Variants in FHIT observed in about 807,000 individuals in gnomAD.
The protein encoded by FHIT is fragile histidine triad diadenosine triphosphatase, also known as bis(5'-adenosyl)-triphosphatase.
A neutral mutation model predicts 17.9 loss-of-function variants in FHIT; 19 were observed. That is an observed-to-expected ratio of 1.06 (90% CI 0.74 to 1.56). The LOEUF is 1.56. Ranked by LOEUF, FHIT falls within the 40% of genes most tolerant of loss-of-function variation. The pLI, the probability that FHIT is intolerant of heterozygous loss-of-function variation, is 0.00. For synonymous variants in FHIT, 81 were observed against 69.7 expected (o/e 1.16, Z -0.81); for missense variants, 248 against 189.2 (o/e 1.31, Z -1.82).
chr3:61,019,856 A>G (rs890364787), intron 3 of FHIT, among the ~76,000 whole-genome samples: 16 of 152,166 alleles, frequency 1.1e-4, no homozygotes, highest in Admixed American at 8.5e-4. Context: ...TCATTTATTC[A>G]TATGATTTTC....
intron 7 of FHIT, among the ~76,000 whole-genome samples, chr3:59,984,400 G>T (rs1474702966): frequency 7.0e-6 from 1 of 143,484 alleles, no homozygotes; most frequent in African/African-American, 2.7e-5. Flanking sequence ...CCACTGGGGG[G>T]GGCTCTGGAA....
intron 4 of FHIT, among the ~76,000 whole-genome samples, chr3:60,538,851 T>C (rs1346350398): frequency 6.6e-6 from 1 of 152,052 alleles, no homozygotes; most frequent in Non-Finnish European, 1.5e-5. Flanking sequence ...GAAGAAAACC[T>C]AGGCAATACC....
chr3:60,058,009 A>T (rs964124922), intron 5 of FHIT, among the ~76,000 whole-genome samples: 1 of 151,776 alleles, frequency 6.6e-6, no homozygotes, highest in African/African-American at 2.4e-5. Flanking sequence ...CACTTCTGTG[A>T]GGTACCTAGA....
intron 3 of FHIT, among the ~76,000 whole-genome samples, chr3:60,977,879 A>G (rs984982626): frequency 6.6e-6 from 1 of 152,190 alleles, no homozygotes; most frequent in African/African-American, 2.4e-5. Flanking sequence ...CTCAAAAACA[A>G]AAACAAAAAG....
At chr3:61,171,239 G>A (rs750993306) in intron 2 of FHIT, among the ~76,000 whole-genome samples, 7 of 152,108 alleles carry the variant, frequency 4.6e-5, no homozygotes, top group Admixed American at 1.3e-4. Flanking sequence ...ATTTTTGGCC[G>A]CATGTATGTC....
intron 3 of FHIT, among the ~76,000 whole-genome samples, chr3:61,035,768 T>C (rs1490303555): frequency 6.6e-6 from 1 of 152,152 alleles, no homozygotes; most frequent in Non-Finnish European, 1.5e-5. Flanking sequence ...CAGATAGTGA[T>C]GATGTGACAT....
At chr3:61,150,807 A>T (rs2037365442) in intron 2 of FHIT, among the ~76,000 whole-genome samples, 1 of 152,056 alleles carries the variant, frequency 6.6e-6, no homozygotes, top group African/African-American at 2.4e-5. Context: ...CAGTCTACCA[A>T]TATAACACAA....
intron 5 of FHIT, among the ~76,000 whole-genome samples, chr3:60,206,720 G>C (rs1703208777): frequency 6.6e-6 from 1 of 152,150 alleles, no homozygotes; most frequent in African/African-American, 2.4e-5. Context: ...TGCCAACTCG[G>C]TAAGCATTTC....
chr3:60,764,607 G>T (rs1334982632), intron 4 of FHIT, among the ~76,000 whole-genome samples: 1 of 151,834 alleles, frequency 6.6e-6, no homozygotes, highest in Non-Finnish European at 1.5e-5. Context: ...TAAGTCTCAG[G>T]GTATTAAGTC....
chr3:59,860,619 A>G (rs1702364338), intron 8 of FHIT, among the ~76,000 whole-genome samples: 1 of 152,230 alleles, frequency 6.6e-6, no homozygotes, highest in South Asian at 2.1e-4. Context: ...TATGAGACTG[A>G]CTGGAGAACA....
intron 5 of FHIT, among the ~76,000 whole-genome samples, chr3:60,363,140 G>C (rs373380330): frequency 6.6e-6 from 1 of 152,084 alleles, no homozygotes; most frequent in African/African-American, 2.4e-5. Context: ...AATAAAAAGA[G>C]GTGCAGAAAA....
intron 4 of FHIT, among the ~76,000 whole-genome samples, chr3:60,726,879 G>A (rs1266558599): frequency 6.6e-6 from 1 of 152,126 alleles, no homozygotes; most frequent in African/African-American, 2.4e-5. Context: ...GTCTCTATAT[G>A]GTTTCAGAAT....
In FHIT at chr3:60,892,216, C is replaced by A. The variant is rs143027995; in HGVS notation, c.-110-70205G>T. 5.1e-3 allele frequency among the ~76,000 whole-genome samples: 782 copies of A among 152,272 alleles called. 7 individuals carry two copies. The highest frequency in any genetic ancestry group is 6.7e-3 in the Non-Finnish European group (455 of 68,012). On this transcript the variant is annotated intron_variant, in intron 3 of 9. Coordinates refer to ENST00000492590, the MANE Select transcript of FHIT (RefSeq NM_002012.4). ...GTTTTTTCTTTTGGTGTTAACATAT[C>A]CTCTTTTTGAAATAATAGCAATAGT...
At chr3:60,895,922 G>A (rs1261008347) in intron 3 of FHIT, among the ~76,000 whole-genome samples, 1 of 151,494 alleles carries the variant, frequency 6.6e-6, no homozygotes, top group Non-Finnish European at 1.5e-5. Context: ...GCTCTAAGCA[G>A]GGGTCCCCAT....
At chr3:61,057,711 T>C (rs1172540529) in intron 2 of FHIT, among the ~76,000 whole-genome samples, 2 of 152,162 alleles carry the variant, frequency 1.3e-5, no homozygotes, top group African/African-American at 2.4e-5. Flanking sequence ...GAAGCTATAA[T>C]GAAAGGTTCA....
At chr3:60,881,397 G>A (rs782406404) in intron 3 of FHIT, among the ~76,000 whole-genome samples, 5 of 152,088 alleles carry the variant, frequency 3.3e-5, no homozygotes, top group Non-Finnish European at 5.9e-5. Context: ...AATCAACAAC[G>A]AAACATTGAG....
At chr3:59,885,788 C>T (rs769044315) in intron 8 of FHIT, among the ~76,000 whole-genome samples, 24 of 152,180 alleles carry the variant, frequency 1.6e-4, no homozygotes, top group Non-Finnish European at 2.6e-4. Flanking sequence ...CAAAAGAAAT[C>T]AGCTTTATAC....
intron 5 of FHIT, among the ~76,000 whole-genome samples, chr3:60,329,249 G>A (rs768748373): frequency 1.3e-5 from 2 of 150,840 alleles, no homozygotes; most frequent in African/African-American, 2.4e-5. Context: ...AACATTTATC[G>A]AAGCTTTTGT....
intron 5 of FHIT, among the ~76,000 whole-genome samples, chr3:60,387,127 A>G (rs573820039): frequency 4.7e-5 from 7 of 150,102 alleles, no homozygotes; most frequent in African/African-American, 1.7e-4. Context: ...AGCTGGGATT[A>G]CAGGTGCCTG....
Sources: gnomAD v4.1 joint callset for allele counts (sites outside exome capture counted in the v4.1 genomes callset) on GRCh38, gnomAD v4.1.1 for gene constraint, MANE v1.5 for transcripts, NCBI Gene and HGNC (gene_info 2026-07-23, HGNC 2026-07-21) for gene names.